ELP2: variants seen among roughly 807,000 people sequenced by gnomAD.
ELP2 encodes elongator acetyltransferase complex subunit 2.
In ELP2, 90 loss-of-function variants were observed where a neutral mutation model predicts 119.2. The ratio of observed to expected loss-of-function variants is 0.75; its 90% confidence interval spans 0.64 to 0.90. The LOEUF is 0.90. Ranked by LOEUF, ELP2 falls within the 40% of genes least tolerant of loss-of-function variation. ELP2 has a pLI of 0.00. For synonymous variants in ELP2, 339 were observed against 331.0 expected, an observed-to-expected ratio of 1.02 and a Z score of -0.26; for missense variants, 921 against 967.8, an observed-to-expected ratio of 0.95 and a Z score of 0.64.
Position 36,138,417 on chromosome 18 carries a change from G to T in ELP2, c.436G>T (p.Gly146Cys), listed in dbSNP as rs144238695. The change falls in exon 4 of 22, where the codon GGT becomes TGT. Residue 146 changes from glycine to cysteine, a missense_variant. Coordinates refer to ENST00000358232, the MANE Select transcript of ELP2 (RefSeq NM_018255.4). ...DSAVRLWSKKGPEVMCLQTLN... is the reference protein window; with the variant it reads ...DSAVRLWSKKCPEVMCLQTLN... Reference sequence around the variant, plus strand: ...TGCTGTTCGACTCTGGTCTAAAAAGGGTCCAGAAGGTAGGTTTGGAGACAT... The same window carrying T: ...TGCTGTTCGACTCTGGTCTAAAAAGTGTCCAGAAGGTAGGTTTGGAGACAT... The T allele has an allele frequency of 6.2e-7, 1 of 1,613,834 alleles. No homozygotes were observed. Among genetic ancestry groups the T allele is most frequent in the Non-Finnish European group, 8.5e-7 (1 of 1,179,974 alleles).
In ELP2 at chr18:36,144,603, A is replaced by T. The variant is rs77311809; in HGVS notation, c.797-336A>T. ...TATTATATTCTTATAATGAGTGAGG[A>T]TAATAAAGAGGCTGGCATGACTGTT... On this transcript the variant is annotated intron_variant, in intron 8 of 21. Coordinates refer to ENST00000358232, the MANE Select transcript of ELP2 (RefSeq NM_018255.4). Among the ~76,000 whole-genome samples, 25 of 152,326 alleles carry T rather than the reference A, an allele frequency of 1.6e-4. 1 individual carries two copies. The East Asian group carries it at 4.6e-3, about 28-fold the overall frequency.
rs2091262990 is a variant in ELP2, at chr18:36,177,960, T to G, written c.*3319T>G. On this transcript the variant is annotated 3_prime_UTR_variant, in exon 22 of 22. Transcript: ENST00000358232. ...GTGTTCACTGTACAATTCTTTCAAC[T>G]TTTCTGCATGCTGGGAGTTTTTTTG... is the stretch of plus-strand genomic sequence containing the variant. 1 of 152,208 alleles carries G rather than the reference T, an allele frequency of 6.6e-6. No individual in the cohort carries two copies. Among genetic ancestry groups the G allele is most frequent in the Non-Finnish European group, 1.5e-5 (1 of 68,032 alleles). The allele number at this position is 152,208 out of a possible 1,614,324, so 9.4% of individuals were successfully genotyped here. A position where few individuals can be genotyped will look rare whatever the true frequency, so the allele number is the denominator to read the frequency against.
Position 36,154,888 on chromosome 18 carries a change from T to A in ELP2, c.1164T>A (p.Phe388Leu). 6.2e-7 allele frequency: 1 copy of A among 1,614,134 alleles called. No homozygotes were observed. Among genetic ancestry groups the A allele is most frequent in the Non-Finnish European group, 8.5e-7 (1 of 1,179,960 alleles). ...WTPEIVISGH[F>L]DGVQDLVWDP... ...CAGAGATTGTCATTTCAGGACACTT[T>A]GATGGTGTCCAAGACCTAGTCTGGG... The change falls in exon 12 of 22, where the codon TTT becomes TTA. Residue 388 changes from phenylalanine (F) to leucine (L), a missense_variant. Physicochemically the swap from Phe to Leu is conservative, Grantham distance 22. Transcript: ENST00000358232.
At position 36,177,992 on chromosome 18, in the gene ELP2, A is replaced by G. The variant is rs1420800956; in HGVS notation, c.*3351A>G. ...CATGCTGGGAGTTTTTTTGGTAACA[A>G]CGTGTTGGGGAAAATGGCCTTGGAA... On this transcript the variant is annotated 3_prime_UTR_variant, in exon 22 of 22. Transcript: ENST00000358232. 1 of 152,230 alleles carries G rather than the reference A, an allele frequency of 6.6e-6. No individual in the cohort carries two copies. Among genetic ancestry groups the G allele is most frequent in the Non-Finnish European group, 1.5e-5 (1 of 68,044 alleles). The allele number at this position is 152,230 out of a possible 1,614,324, so 9.4% of individuals were successfully genotyped here. A position where few individuals can be genotyped will look rare whatever the true frequency, so the allele number is the denominator to read the frequency against.
At chr18:36,164,397 C>T in intron 17 of ELP2, 78 bp from the exon 18 acceptor site, 1 of 1,363,018 alleles carries the variant, frequency 7.3e-7, no homozygotes, top group South Asian at 1.2e-5. Context: ...CTCATAGAAA[C>T]AATGTGTTGT....
chr18:36,154,785 G>A lies in ELP2; in HGVS notation c.1126-65G>A, dbSNP rs1307651430. On this transcript the variant is annotated intron_variant, in intron 11 of 21. Transcript: ENST00000358232. ...TTTAGTCTTCTCTGTTATCAGACGT[G>A]AGTGCTTTACTTTGGTGGTAGTCTT... 11 of 1,587,830 alleles carry A rather than the reference G, an allele frequency of 6.9e-6. No homozygotes were observed. In the East Asian group the frequency reaches 2.2e-4, roughly 32 times the overall value.
Position 36,174,556 on chromosome 18 carries a change from C to G in ELP2, c.2396C>G (p.Ala799Gly), listed in dbSNP as rs35629953. The change falls in exon 22 of 22, where the codon GCA (alanine) becomes GGA (glycine). Residue 799 changes from alanine (A) to glycine (G), a missense_variant. Physicochemically the swap from Ala to Gly is moderately conservative, Grantham distance 60. Coordinates refer to ENST00000358232, the MANE Select transcript of ELP2 (RefSeq NM_018255.4). ...AGTGGAAAAACTGAACAGAAGGAAG[C>G]AGAAGGTGCTGAGTGGTTACACTTT... ...NCSGKTEQKE[A>G]EGAEWLHFAS... is the part of the protein sequence containing the mutation. The G allele has an allele frequency of 6.2e-7, 1 of 1,614,044 alleles. No individual in the cohort carries two copies. Among genetic ancestry groups the G allele is most frequent in the Admixed American group, 1.7e-5 (1 of 60,026 alleles).
chr18:36,147,722 C>CT (rs1567992994), intron 11 of ELP2, among the ~76,000 whole-genome samples: 1 of 152,166 alleles, frequency 6.6e-6, no homozygotes, highest in Non-Finnish European at 1.5e-5. Flanking sequence ...CGCACCTGGT[C>CT]TACTGGCAGG....
Position 36,171,097 on chromosome 18 carries a change from G to C in ELP2, c.2261G>C (p.Trp754Ser), listed in dbSNP as rs771139906. The change falls in exon 21 of 22, where the codon TGG (tryptophan) becomes TCG (serine). Residue 754 changes from tryptophan (W) to serine (S), a missense_variant. Coordinates refer to ENST00000358232, the MANE Select transcript of ELP2 (RefSeq NM_018255.4). ...TGTGGAAAGATTTGCTTATATACCTGGAAAAAGACTGATCAAGTTCCAGAA... is the reference window on the plus strand; with the variant it reads ...TGTGGAAAGATTTGCTTATATACCTCGAAAAAGACTGATCAAGTTCCAGAA... The part of the protein sequence containing the change: ...LECGKICLYT[W>S]KKTDQVPEIN... 1 of 1,614,062 alleles carries C rather than the reference G, an allele frequency of 6.2e-7. No individual in the cohort carries two copies. The highest frequency in any genetic ancestry group is 8.5e-7 in the Non-Finnish European group (1 of 1,179,960).
Position 36,142,886 on chromosome 18 carries a change from A to G in ELP2, c.716A>G (p.Tyr239Cys). ...QDCLIRIWKL[Y>C]IKSTSLETQD... Reference sequence around the variant, plus strand: ...TGCCTGATAAGAATATGGAAGCTGTATATAAAGTCAACATCTTTAGAAACT... The same window carrying G: ...TGCCTGATAAGAATATGGAAGCTGTGTATAAAGTCAACATCTTTAGAAACT... Residue 239 changes from tyrosine (Y) to cysteine (C), a missense_variant, in exon 8 of 22, where the codon TAT (tyrosine) becomes TGT (cysteine). Coordinates refer to ENST00000358232, the MANE Select transcript of ELP2 (RefSeq NM_018255.4). 6.2e-7 allele frequency: 1 copy of G among 1,603,602 alleles called. No individual in the cohort carries two copies.
chr18:36,138,537 T>C, intron 4 of ELP2, 111 bp downstream of exon 4: 1 of 1,230,432 alleles, frequency 8.1e-7, no homozygotes, highest in Admixed American at 2.1e-5. Context: ...ACTTTAAAAA[T>C]ACTATAATTC....
At chr18:36,164,294 A>G (rs1185001117) in intron 17 of ELP2, among the ~76,000 whole-genome samples, 181 bp from the exon 18 acceptor site, 1 of 152,172 alleles carries the variant, frequency 6.6e-6, no homozygotes, top group Non-Finnish European at 1.5e-5. Flanking sequence ...TTTAATCCCA[A>G]TCATCTGTAA....
At chr18:36,157,821 C>G (rs1236853315) in intron 13 of ELP2, among the ~76,000 whole-genome samples, 1 of 152,022 alleles carries the variant, frequency 6.6e-6, no homozygotes. Flanking sequence ...AAAAGGGAAG[C>G]CTTAATTGTG....
chr18:36,131,448 G>T (rs2089623112), intron 1 of ELP2, among the ~76,000 whole-genome samples: 1 of 152,240 alleles, frequency 6.6e-6, no homozygotes, highest in African/African-American at 2.4e-5. Context: ...GAGCCTTGCG[G>T]CATTGCGGCA....
At chr18:36,174,260 G>A (rs1200436694) in intron 21 of ELP2, among the ~76,000 whole-genome samples, 1 of 151,778 alleles carries the variant, frequency 6.6e-6, no homozygotes, top group African/African-American at 2.4e-5. Context: ...CATTGTCTGT[G>A]TCTTGCTCAT....
At chr18:36,149,483 G>GTTTT (rs561853812) in intron 11 of ELP2, among the ~76,000 whole-genome samples, 20,793 of 101,180 alleles carry the variant, frequency 0.21, 2,120 homozygotes, top group Non-Finnish European at 0.25. Context: ...TTTTTGTTTT[G>GTTTT]TTTTGTTTTT....
Position 36,154,989 on chromosome 18 carries a change from A to G in ELP2, c.1265A>G (p.Asp422Gly). 1 of 1,612,754 alleles carries G rather than the reference A, an allele frequency of 6.2e-7. No individual in the cohort carries two copies. Among genetic ancestry groups the G allele is most frequent in the Non-Finnish European group, 8.5e-7 (1 of 1,178,744 alleles). ...CTTTTTGCTCCATGGAAGAGAAAAG[A>G]CCAATCACAGGTAAAATGTCTTATT... ...TRLFAPWKRK[D>G]QSQVTWHEIA... is the part of the protein sequence containing the mutation. Residue 422 changes from aspartate to glycine, a missense_variant, in exon 12 of 22, where the codon GAC (aspartate) becomes GGC (glycine). Asp to Gly is a moderately conservative substitution (Grantham distance 94, BLOSUM62 -1). Transcript: ENST00000358232.
chr18:36,144,673 A>T (rs1464470766), intron 8 of ELP2, among the ~76,000 whole-genome samples: 3 of 152,234 alleles, frequency 2.0e-5, no homozygotes, highest in Non-Finnish European at 4.4e-5. Context: ...GTCTCAGAAA[A>T]TTGTAAAAAT....
At chr18:36,152,239 G>C (rs1239493608) in intron 11 of ELP2, among the ~76,000 whole-genome samples, 4 of 150,298 alleles carry the variant, frequency 2.7e-5, no homozygotes, top group Non-Finnish European at 5.9e-5. Context: ...AACACCATCA[G>C]TTTCCATTTT....
Sources: gnomAD v4.1 joint callset for allele counts (sites outside exome capture counted in the v4.1 genomes callset) on GRCh38, gnomAD v4.1.1 for gene constraint, MANE v1.5 for transcripts, NCBI Gene and HGNC (gene_info 2026-07-23, HGNC 2026-07-21) for gene names.